The following TGFB2 variants were observed in gnomAD, a reference collection of about 807,000 sequenced individuals.
TGFB2 encodes the protein transforming growth factor beta 2.
A neutral mutation model predicts 42.7 loss-of-function variants in TGFB2; 13 were observed. The ratio of observed to expected loss-of-function variants is 0.30; its 90% CI spans 0.20 to 0.48. The LOEUF (loss-of-function observed/expected upper bound fraction) is 0.48, where lower values mean the gene tolerates loss of function less well. Among genes scored for constraint, TGFB2 ranks in the 20% least tolerant of loss-of-function variants. The pLI is 0.99. For missense variants in TGFB2, 390 were observed against 517.5 expected (o/e 0.75, Z 2.39); for synonymous variants, 193 against 193.6 (o/e 1.00, Z 0.03).
chr1:218,436,060 TG>T lies in TGFB2; in HGVS notation c.846del (p.Leu283Ter), dbSNP rs1659962036. The T allele has an allele frequency of 6.2e-7, 1 of 1,614,052 alleles. No homozygotes were observed. Among genetic ancestry groups the T allele is most frequent in the Non-Finnish European group, 8.5e-7 (1 of 1,179,992 alleles). ...KKNSGKTPHL[L>X]LMLLPSYRLE... The stretch of plus-strand genomic sequence containing the variant: ...AACAGTGGGAAGACCCCACATCTCC[TG>T]CTAATGTTATTGCCCTCCTACAGAC... On this transcript the variant is annotated frameshift_variant, in exon 5 of 7. Coordinates refer to ENST00000366930, the MANE Select transcript of TGFB2 (RefSeq NM_003238.6). LOFTEE classifies it high-confidence loss of function.
intron 1 of TGFB2, among the ~76,000 whole-genome samples, chr1:218,370,586 A>C (rs1477729548): frequency 6.6e-6 from 1 of 152,136 alleles, no homozygotes; most frequent in African/African-American, 2.4e-5. Flanking sequence ...GGGACTCTGG[A>C]ATTTGGCATT....
At chr1:218,371,133 T>C (rs529604903) in intron 1 of TGFB2, among the ~76,000 whole-genome samples, 2 of 151,966 alleles carry the variant, frequency 1.3e-5, no homozygotes, top group Admixed American at 6.6e-5. Context: ...ACCCCATCTT[T>C]ACAAAAAATA....
intron 1 of TGFB2, among the ~76,000 whole-genome samples, chr1:218,393,514 T>C (rs1348543922): frequency 6.6e-6 from 1 of 152,222 alleles, no homozygotes; most frequent in Non-Finnish European, 1.5e-5. Context: ...TAGAATGGTA[T>C]ATGGTTATCT....
intron 2 of TGFB2, among the ~76,000 whole-genome samples, chr1:218,421,435 C>T (rs1039893052): frequency 2.0e-5 from 3 of 149,478 alleles, no homozygotes; most frequent in Admixed American, 6.7e-5. Flanking sequence ...GTCACTTGAT[C>T]AAATGTGTCT....
At chr1:218,413,233 C>T (rs551530149) in intron 2 of TGFB2, among the ~76,000 whole-genome samples, 3 of 152,102 alleles carry the variant, frequency 2.0e-5, no homozygotes, top group African/African-American at 4.8e-5. Context: ...ATTAGCTGGG[C>T]GCGGTGGCAC....
Position 218,379,126 on chromosome 1 carries a change from C to CT in TGFB2, c.347-26040dup, listed in dbSNP as rs748882381. Among the ~76,000 whole-genome samples the CT allele has an allele frequency of 2.0e-3, 287 of 143,760 alleles. 26 individuals carry two copies. The highest frequency in any genetic ancestry group is 7.3e-3 in the Middle Eastern group (2 of 274). The allele number at this position is 143,760 out of a possible 152,430, so 94.3% of individuals were successfully genotyped here. A position where few individuals can be genotyped will look rare whatever the true frequency, so the allele number is the denominator to read the frequency against. ...AACACATGGTACATTTTCTTTCTTTCTTTCTTTTTTTTTTTTCTTTTTTAG... is the reference window on the plus strand; with the variant it reads ...AACACATGGTACATTTTCTTTCTTTCTTTTCTTTTTTTTTTTTCTTTTTTAG... On this transcript the variant is annotated intron_variant, in intron 1 of 6. Coordinates refer to ENST00000366930, the MANE Select transcript of TGFB2 (RefSeq NM_003238.6).
chr1:218,353,009 C>T (rs780372491), intron 1 of TGFB2, among the ~76,000 whole-genome samples: 36 of 152,316 alleles, frequency 2.4e-4, no homozygotes, highest in Non-Finnish European at 4.3e-4. Context: ...AGTAGGTCTT[C>T]TTTGCCTGGC....
chr1:218,372,099 C>T (rs1221899761), intron 1 of TGFB2, among the ~76,000 whole-genome samples: 1 of 151,992 alleles, frequency 6.6e-6, no homozygotes, highest in Non-Finnish European at 1.5e-5. Context: ...ACAGCCTATT[C>T]TTAGTAGCAA....
In TGFB2 at chr1:218,428,972, C is replaced by CTT. The variant is rs34950123; in HGVS notation, c.511-5087_511-5086dup. The stretch of plus-strand genomic sequence containing the variant: ...ATTGATTCTCCCTATCCATGAGCAT[C>CTT]TTTTTTTTTTTTTTTTTTTTTTTTC... On this transcript the variant is annotated intron_variant, in intron 2 of 6. Transcript: ENST00000366930. Among the ~76,000 whole-genome samples, 361 of 95,872 alleles carry CTT rather than the reference C, an allele frequency of 3.8e-3. 16 individuals are homozygous for CTT. Among genetic ancestry groups the CTT allele is most frequent in the East Asian group, 0.021 (54 of 2,556 alleles). The allele number at this position is 95,872 out of a possible 152,430, so 62.9% of individuals were successfully genotyped here.
rs1571900851 is a variant in TGFB2 at position 218,433,956 on chromosome 1, A to C, written c.511-126A>C. On this transcript the variant is annotated intron_variant, in intron 2 of 6. Coordinates refer to ENST00000366930, the MANE Select transcript of TGFB2 (RefSeq NM_003238.6). ...CATGTGACCATGCAATTGAGATGAC[A>C]ATGCATGGCTATACTACAGTAGAGC... 1.0e-5 allele frequency: 13 copies of C among 1,264,728 alleles called. No homozygotes were observed. The East Asian group carries it at 3.1e-4, about 30-fold the overall frequency. The allele number at this position is 1,264,728 out of a possible 1,614,324, so 78.3% of individuals were successfully genotyped here.
At chr1:218,350,010 G>A (rs898883810) in intron 1 of TGFB2, among the ~76,000 whole-genome samples, 13 of 152,172 alleles carry the variant, frequency 8.5e-5, no homozygotes, top group African/African-American at 1.2e-4. Flanking sequence ...AAGGTTTACC[G>A]ATAGTTTGCC....
chr1:218,439,049 A>G (rs2102631851), intron 6 of TGFB2, among the ~76,000 whole-genome samples: 1 of 150,112 alleles, frequency 6.7e-6, no homozygotes, highest in Admixed American at 6.7e-5. Flanking sequence ...CGGAGGTTGC[A>G]GTGAGCCGAG....
chr1:218,421,528 TAAG>T (rs972104314), intron 2 of TGFB2, among the ~76,000 whole-genome samples: 13 of 152,180 alleles, frequency 8.5e-5, no homozygotes, highest in Admixed American at 2.0e-4. Context: ...GTGGGGGTAA[TAAG>T]AGAGAGAAAG....
intron 1 of TGFB2, among the ~76,000 whole-genome samples, chr1:218,399,442 C>T (rs1020894368): frequency 1.3e-5 from 2 of 152,102 alleles, no homozygotes; most frequent in Non-Finnish European, 2.9e-5. Context: ...ATATAAAAAC[C>T]GAAGAAATCC....
chr1:218,432,390 C>T (rs1384015246), intron 2 of TGFB2, among the ~76,000 whole-genome samples: 2 of 152,128 alleles, frequency 1.3e-5, no homozygotes, highest in Non-Finnish European at 2.9e-5. Context: ...TTTTGGACCA[C>T]AGGGGCAGAT....
chr1:218,393,618 A>G (rs1045088175), intron 1 of TGFB2, among the ~76,000 whole-genome samples: 2 of 152,198 alleles, frequency 1.3e-5, no homozygotes, highest in African/African-American at 2.4e-5. Context: ...AAAAGCACAG[A>G]TTGAAGGGAA....
chr1:218,432,916 C>T (rs978722922), intron 2 of TGFB2, among the ~76,000 whole-genome samples: 5 of 152,158 alleles, frequency 3.3e-5, no homozygotes, highest in Non-Finnish European at 7.4e-5. Context: ...GACTTAGAAT[C>T]ATGATTTAGT....
chr1:218,396,230 C>A (rs1435435265), intron 1 of TGFB2, among the ~76,000 whole-genome samples: 2 of 152,046 alleles, frequency 1.3e-5, no homozygotes, highest in African/African-American at 4.8e-5. Context: ...TAATATGGAA[C>A]CAAGTAACAA....
At chr1:218,390,913 C>T (rs573467457) in intron 1 of TGFB2, among the ~76,000 whole-genome samples, 2 of 152,270 alleles carry the variant, frequency 1.3e-5, no homozygotes, top group African/African-American at 4.8e-5. Context: ...ATCTACCAAC[C>T]CTAAGAAAGC....
Sources: gnomAD v4.1 joint callset for allele counts (sites outside exome capture counted in the v4.1 genomes callset) on GRCh38, gnomAD v4.1.1 for gene constraint, MANE v1.5 for transcripts, NCBI Gene and HGNC (gene_info 2026-07-23, HGNC 2026-07-21) for gene names.